Variants in PCDH15 observed in about 807,000 individuals in gnomAD.
PCDH15 encodes the protein protocadherin-15.
A neutral mutation model predicts 178.5 loss-of-function variants in PCDH15; 129 were observed. That is an observed-to-expected ratio of 0.72 (90% confidence interval 0.63 to 0.84). PCDH15 has a LOEUF of 0.84. Ranked by LOEUF, PCDH15 falls within the 40% of genes least tolerant of loss-of-function variation. The pLI is 0.00. For missense variants in PCDH15, 2,230 were observed against 2,099.9 expected, an observed-to-expected ratio of 1.06 and a Z score of -1.21; for synonymous variants, 800 against 732.0, an observed-to-expected ratio of 1.09 and a Z score of -1.50.
chr10:54,497,488 G>A (rs1014378893), intron 3 of PCDH15, among the ~76,000 whole-genome samples: 1 of 152,024 alleles, frequency 6.6e-6, no homozygotes, highest in African/African-American at 2.4e-5. Flanking sequence ...TTGGAATCTC[G>A]ATGACATGTA....
intron 3 of PCDH15, among the ~76,000 whole-genome samples, chr10:54,386,923 T>A (rs1353605437): frequency 6.6e-6 from 1 of 152,290 alleles, no homozygotes; most frequent in African/African-American, 2.4e-5. Flanking sequence ...TTCAAGAGAT[T>A]AATTTTACAT....
At chr10:55,576,815 T>G (rs1291659056) in intron 2 of PCDH15, among the ~76,000 whole-genome samples, 1 of 152,138 alleles carries the variant, frequency 6.6e-6, no homozygotes, top group African/African-American at 2.4e-5. Context: ...TAAAATTCTA[T>G]TAAAACATGA....
intron 1 of PCDH15, among the ~76,000 whole-genome samples, chr10:54,687,729 AC>A (rs2095039645): frequency 6.6e-6 from 1 of 151,816 alleles, no homozygotes; most frequent in South Asian, 2.1e-4. Context: ...ACTGAACCCC[AC>A]CCTGCTTTTT....
At chr10:55,086,844 A>G (rs1842182452) in intron 2 of PCDH15, among the ~76,000 whole-genome samples, 1 of 152,088 alleles carries the variant, frequency 6.6e-6, no homozygotes, top group Non-Finnish European at 1.5e-5. Context: ...ATTCATCAGT[A>G]TTAATTTTCT....
chr10:54,439,942 C>T (rs1269421379), intron 3 of PCDH15, among the ~76,000 whole-genome samples: 1 of 151,986 alleles, frequency 6.6e-6, no homozygotes, highest in African/African-American at 2.4e-5. Flanking sequence ...ATAGATTTAT[C>T]CTTAGATTAT....
chr10:54,579,104 C>A (rs373885293), intron 2 of PCDH15, among the ~76,000 whole-genome samples: 3 of 151,918 alleles, frequency 2.0e-5, no homozygotes, highest in East Asian at 3.9e-4. Context: ...TACAAAGCAA[C>A]CAGCTAGCAA....
At chr10:55,034,883 T>A (rs1233264108) in intron 2 of PCDH15, among the ~76,000 whole-genome samples, 3 of 152,156 alleles carry the variant, frequency 2.0e-5, no homozygotes, top group Non-Finnish European at 4.4e-5. Context: ...TATAAATATC[T>A]AACATTTAGA....
At chr10:54,317,015 T>C (rs1013628886) in intron 8 of PCDH15, among the ~76,000 whole-genome samples, 2 of 152,278 alleles carry the variant, frequency 1.3e-5, no homozygotes, top group African/African-American at 4.8e-5. Flanking sequence ...TGGTGATTTA[T>C]TGGTAAAAAA....
At chr10:54,215,593 C>G (rs1245060751) in intron 9 of PCDH15, among the ~76,000 whole-genome samples, 1 of 152,018 alleles carries the variant, frequency 6.6e-6, no homozygotes, top group African/African-American at 2.4e-5. Flanking sequence ...AAATTTTACT[C>G]TAATGTGAGA....
intron 3 of PCDH15, among the ~76,000 whole-genome samples, chr10:54,807,052 G>A (rs1952790416): frequency 6.6e-6 from 1 of 152,136 alleles, no homozygotes; most frequent in Admixed American, 6.5e-5. Flanking sequence ...GCACTCAGAG[G>A]GAAAGGATTT....
At chr10:55,582,629 T>TA (rs1491243304) in intron 2 of PCDH15, among the ~76,000 whole-genome samples, 681 of 64,512 alleles carry the variant, frequency 0.011, 2 homozygotes, top group South Asian at 0.018. Flanking sequence ...TATATATATA[T>TA]TTTTTTTTTT....
chr10:54,078,783 C>G (rs2094387996), intron 17 of PCDH15, among the ~76,000 whole-genome samples: 1 of 150,858 alleles, frequency 6.6e-6, no homozygotes, highest in South Asian at 2.1e-4. Flanking sequence ...AGTTTTAGGT[C>G]CAAAGGAAAT....
chr10:54,369,387 T>G (rs1422151259), intron 4 of PCDH15, 112 bp from the exon 5 acceptor site: 2 of 946,480 alleles, frequency 2.1e-6, no homozygotes, highest in Non-Finnish European at 3.2e-6. Context: ...TATTTTTAAA[T>G]TATAATAATC....
chr10:54,213,174 G>T (rs1437772115), intron 10 of PCDH15, among the ~76,000 whole-genome samples: 1 of 151,990 alleles, frequency 6.6e-6, no homozygotes, highest in South Asian at 2.1e-4. Flanking sequence ...CTTTGCTTTT[G>T]TCTTTTCTTG....
At chr10:54,800,156 C>T (rs1952517127) in intron 1 of PCDH15, among the ~76,000 whole-genome samples, 1 of 152,080 alleles carries the variant, frequency 6.6e-6, no homozygotes, top group South Asian at 2.1e-4. Context: ...TCTGTGTGTA[C>T]TAGAGACACA....
At chr10:55,234,383 T>C (rs1445809086) in intron 1 of PCDH15, among the ~76,000 whole-genome samples, 11 of 152,080 alleles carry the variant, frequency 7.2e-5, no homozygotes, top group Admixed American at 7.2e-4. Context: ...ATGAAAAATT[T>C]AATGAACCAA....
intron 2 of PCDH15, among the ~76,000 whole-genome samples, chr10:55,094,872 A>G (rs984996987): frequency 8.6e-5 from 13 of 151,862 alleles, no homozygotes; most frequent in African/African-American, 3.1e-4. Context: ...TGATAAGTTA[A>G]TATACCCAAA....
chr10:55,146,991 T>C (rs2132095746), intron 2 of PCDH15, among the ~76,000 whole-genome samples: 1 of 151,832 alleles, frequency 6.6e-6, no homozygotes, highest in African/African-American at 2.4e-5. Flanking sequence ...AGAATCTATT[T>C]TATTACTTTA....
At chr10:53,909,222 A>G (rs1444554682) in intron 25 of PCDH15, among the ~76,000 whole-genome samples, 1 of 152,052 alleles carries the variant, frequency 6.6e-6, no homozygotes, top group African/African-American at 2.4e-5. Context: ...CTGCCTTGTG[A>G]AGAAGGTACT....
Sources: gnomAD v4.1 joint callset for allele counts (sites outside exome capture counted in the v4.1 genomes callset) on GRCh38, gnomAD v4.1.1 for gene constraint, MANE v1.5 for transcripts, NCBI Gene and HGNC (gene_info 2026-07-23, HGNC 2026-07-21) for gene names.